Variants in TMEM132D observed in about 807,000 individuals in gnomAD.
TMEM132D encodes the protein transmembrane protein 132D, also known as mature OL transmembrane protein.
A neutral mutation model predicts 62.3 loss-of-function variants in TMEM132D; 21 were observed. That is an observed-to-expected ratio of 0.34 (90% CI 0.24 to 0.49). The LOEUF (loss-of-function observed/expected upper bound fraction) is 0.49. TMEM132D is among the 20% of genes least tolerant of loss of function. The pLI is 0.99. For synonymous variants in TMEM132D, 621 were observed against 575.6 expected, an observed-to-expected ratio of 1.08 and a Z score of -1.13; for missense variants, 1,346 against 1,402.8, an observed-to-expected ratio of 0.96 and a Z score of 0.65.
chr12:129,674,073 T>C (rs1205050172), intron 2 of TMEM132D, among the ~76,000 whole-genome samples: 1 of 152,192 alleles, frequency 6.6e-6, no homozygotes, highest in East Asian at 1.9e-4. Flanking sequence ...TCTCCCTGTC[T>C]GAAATGCAAG....
chr12:129,708,654 C>G (rs1565957252), intron 1 of TMEM132D, among the ~76,000 whole-genome samples: 2 of 122,654 alleles, frequency 1.6e-5, no homozygotes, highest in African/African-American at 6.0e-5. Flanking sequence ...CACACACACA[C>G]ACAGTGCACT....
At chr12:129,646,101 T>A (rs1416064421) in intron 2 of TMEM132D, among the ~76,000 whole-genome samples, 1 of 152,210 alleles carries the variant, frequency 6.6e-6, no homozygotes, top group Non-Finnish European at 1.5e-5. Flanking sequence ...TTCACTTTAC[T>A]CTGTTGGCTC....
At chr12:129,328,336 T>C (rs1187747128) in intron 4 of TMEM132D, among the ~76,000 whole-genome samples, 2 of 152,236 alleles carry the variant, frequency 1.3e-5, no homozygotes, top group Non-Finnish European at 2.9e-5. Context: ...GCTCAGGAAA[T>C]GCTTTTCAAA....
At chr12:129,887,222 G>A (rs1874777655) in intron 1 of TMEM132D, among the ~76,000 whole-genome samples, 1 of 152,058 alleles carries the variant, frequency 6.6e-6, no homozygotes, top group Non-Finnish European at 1.5e-5. Context: ...TGTGCAGACC[G>A]CCCGCCCCTC....
At position 129,535,777 on chromosome 12, in the gene TMEM132D, C is replaced by CGTGTGTGTGT. The variant is rs779067793; in HGVS notation, c.969-4582_969-4573dup. 1.6e-3 allele frequency among the ~76,000 whole-genome samples: 123 copies of CGTGTGTGTGT among 74,696 alleles called. 1 individual carries two copies. Among genetic ancestry groups the CGTGTGTGTGT allele is most frequent in the African/African-American group, 6.2e-3 (105 of 16,908 alleles). The allele number at this position is 74,696 out of a possible 152,430, so 49.0% of individuals were successfully genotyped here. A position where few individuals can be genotyped will look rare whatever the true frequency, so the allele number is the denominator to read the frequency against. On this transcript the variant is annotated intron_variant, in intron 2 of 8. Coordinates refer to ENST00000422113, the MANE Select transcript of TMEM132D (RefSeq NM_133448.3). Reference sequence around the variant, plus strand: ...GGGAGATTCATTTAAGATTTGTGTGCGTGTGTGTGTGTGTGTGTGTGTGTG... The same window carrying CGTGTGTGTGT: ...GGGAGATTCATTTAAGATTTGTGTGCGTGTGTGTGTGTGTGTGTGTGTGTGTGTGTGTGTG...
chr12:129,790,030 C>G (rs1016260261), intron 1 of TMEM132D, among the ~76,000 whole-genome samples: 11 of 152,194 alleles, frequency 7.2e-5, no homozygotes, highest in African/African-American at 2.2e-4. Context: ...GGTGCTAGAA[C>G]TAGCGGGCTG....
chr12:129,421,930 T>C (rs1431250928), intron 3 of TMEM132D, among the ~76,000 whole-genome samples: 1 of 152,164 alleles, frequency 6.6e-6, no homozygotes, highest in African/African-American at 2.4e-5. Context: ...TGCACAGGTG[T>C]GTGTCTACCA....
chr12:129,837,277 T>C (rs67571625), intron 1 of TMEM132D, among the ~76,000 whole-genome samples: 9,261 of 152,304 alleles, frequency 0.061, 366 homozygotes, highest in Non-Finnish European at 0.088. Flanking sequence ...AAAGAATTTA[T>C]TCTCAAGGAT....
intron 2 of TMEM132D, among the ~76,000 whole-genome samples, chr12:129,682,610 A>T (rs1045809912): frequency 2.6e-5 from 4 of 152,078 alleles, no homozygotes; most frequent in Admixed American, 6.5e-5. Context: ...AGACTTGCAG[A>T]TTTTGTTGGG....
intron 4 of TMEM132D, among the ~76,000 whole-genome samples, chr12:129,315,756 G>T (rs1868467589): frequency 6.6e-6 from 1 of 152,124 alleles, no homozygotes; most frequent in Admixed American, 6.5e-5. Flanking sequence ...ATTCTGCTGT[G>T]AAAGTGTCTG....
chr12:129,163,803 T>C (rs1248517381), intron 5 of TMEM132D, among the ~76,000 whole-genome samples: 1 of 152,198 alleles, frequency 6.6e-6, no homozygotes, highest in Non-Finnish European at 1.5e-5. Context: ...CTCTGTGAGG[T>C]TCCTGTCAGT....
intron 5 of TMEM132D, among the ~76,000 whole-genome samples, chr12:129,134,130 GTGTC>G (rs1433354682): frequency 7.0e-6 from 1 of 142,120 alleles, no homozygotes; most frequent in Non-Finnish European, 1.5e-5. Context: ...GTGTGTGTGT[GTGTC>G]TGTGTGTGTG....
chr12:129,204,509 G>A (rs1337284576), intron 5 of TMEM132D, among the ~76,000 whole-genome samples: 2 of 152,194 alleles, frequency 1.3e-5, no homozygotes, highest in African/African-American at 4.8e-5. Context: ...AAGCCTCTGA[G>A]GAAGGCTTAT....
intron 3 of TMEM132D, among the ~76,000 whole-genome samples, chr12:129,454,700 A>G (rs1388459492): frequency 6.6e-6 from 1 of 152,182 alleles, no homozygotes; most frequent in Non-Finnish European, 1.5e-5. Context: ...TGTTGCAGGA[A>G]CCAAGGACAG....
chr12:129,430,217 T>C (rs1431909572), intron 3 of TMEM132D, among the ~76,000 whole-genome samples: 3 of 152,196 alleles, frequency 2.0e-5, no homozygotes, highest in East Asian at 1.9e-4. Context: ...AAAGTGTTCC[T>C]ATTTCTCCAC....
intron 1 of TMEM132D, among the ~76,000 whole-genome samples, chr12:129,843,914 C>T (rs1873277178): frequency 6.6e-6 from 1 of 151,396 alleles, no homozygotes. Context: ...TATAGTAAGA[C>T]CCTGTGTCTA....
At chr12:129,406,502 C>A (rs919649377) in intron 3 of TMEM132D, among the ~76,000 whole-genome samples, 9 of 152,034 alleles carry the variant, frequency 5.9e-5, no homozygotes, top group African/African-American at 7.2e-5. Flanking sequence ...TGCCTGTAAT[C>A]CCAGCTACTC....
intron 3 of TMEM132D, among the ~76,000 whole-genome samples, chr12:129,511,827 T>C (rs1302349796): frequency 6.6e-5 from 10 of 152,224 alleles, no homozygotes; most frequent in Admixed American, 6.5e-4. Flanking sequence ...CACCTCATTT[T>C]ATCCTTAGAA....
intron 1 of TMEM132D, among the ~76,000 whole-genome samples, chr12:129,839,117 A>AGTTTTTTTTTTTTT (rs1873097765): frequency 4.8e-5 from 1 of 20,704 alleles, no homozygotes; most frequent in African/African-American, 1.8e-4. Flanking sequence ...CGCCTGGCTA[A>AGTTTTTTTTTTTTT]TTTTTTTTTT....
Sources: gnomAD v4.1 joint callset for allele counts (sites outside exome capture counted in the v4.1 genomes callset) on GRCh38, gnomAD v4.1.1 for gene constraint, MANE v1.5 for transcripts, NCBI Gene and HGNC (gene_info 2026-07-23, HGNC 2026-07-21) for gene names.